Variants in XKR4 observed in about 807,000 individuals in gnomAD.
The protein encoded by XKR4 is XK related 4, also known as XK-related protein 4.
XKR4 carries 12 observed loss-of-function variants against 53.9 expected under a neutral mutation model. The observed-to-expected ratio is 0.22, with a 90% confidence interval of 0.14 to 0.36. XKR4 has a LOEUF of 0.36. Among genes scored for constraint, XKR4 ranks in the 10% least tolerant of loss-of-function variants. The probability of loss-of-function intolerance (pLI) is 1.00; values close to 1 mark genes in which losing one functional copy is unlikely to be tolerated. For missense variants in XKR4, 799 were observed against 859.5 expected (o/e 0.93, Z 0.88); for synonymous variants, 354 against 362.4 (o/e 0.98, Z 0.26).
At chr8:55,455,070 G>A in intron 2 of XKR4, 1 of 710,310 alleles carries the variant, frequency 1.4e-6, no homozygotes, top group Non-Finnish European at 2.6e-6. Flanking sequence ...ATCTGGCCCT[G>A]GCCTTTCCCA....
At chr8:55,156,357 C>T (rs1002621263) in intron 1 of XKR4, among the ~76,000 whole-genome samples, 1 of 148,170 alleles carries the variant, frequency 6.7e-6, no homozygotes, top group Non-Finnish European at 1.5e-5. Context: ...TAAGGACTTG[C>T]AGTCAACAGT....
At chr8:55,335,226 T>C (rs529528918) in intron 1 of XKR4, among the ~76,000 whole-genome samples, 1 of 152,216 alleles carries the variant, frequency 6.6e-6, no homozygotes, top group South Asian at 2.1e-4. Context: ...GAAGCAGAAA[T>C]CTAAATTCAC....
At chr8:55,226,121 A>T (rs567978348) in intron 1 of XKR4, among the ~76,000 whole-genome samples, 1 of 152,228 alleles carries the variant, frequency 6.6e-6, no homozygotes, top group Admixed American at 6.5e-5. Flanking sequence ...AAATGTGACC[A>T]AGAACCTCAA....
At chr8:55,406,598 A>T (rs1212457612) in intron 2 of XKR4, among the ~76,000 whole-genome samples, 1 of 152,212 alleles carries the variant, frequency 6.6e-6, no homozygotes, top group Non-Finnish European at 1.5e-5. Context: ...AGATGTCAGC[A>T]TGTGTGTCAA....
intron 1 of XKR4, among the ~76,000 whole-genome samples, chr8:55,216,602 C>CT (rs2129364586): frequency 6.6e-6 from 1 of 151,980 alleles, no homozygotes; most frequent in South Asian, 2.1e-4. Context: ...TGGCACATGC[C>CT]TGTAATCCCA....
chr8:55,299,311 G>A (rs915158783), intron 1 of XKR4, among the ~76,000 whole-genome samples: 2 of 152,128 alleles, frequency 1.3e-5, no homozygotes, highest in African/African-American at 2.4e-5. Context: ...GAACAAGAGG[G>A]AGCTTGTCAC....
chr8:55,192,963 G>C (rs530299348), intron 1 of XKR4, among the ~76,000 whole-genome samples: 1 of 152,216 alleles, frequency 6.6e-6, no homozygotes, highest in East Asian at 1.9e-4. Flanking sequence ...TGTCATGGCT[G>C]TCCCCACCCC....
intron 1 of XKR4, among the ~76,000 whole-genome samples, chr8:55,243,276 TCC>T (rs1449362787): frequency 6.6e-6 from 1 of 152,242 alleles, no homozygotes; most frequent in Non-Finnish European, 1.5e-5. Context: ...ATGCCATGTA[TCC>T]ACCATTGTAG....
At chr8:55,374,687 C>T (rs1229080082) in intron 2 of XKR4, among the ~76,000 whole-genome samples, 1 of 152,040 alleles carries the variant, frequency 6.6e-6, no homozygotes, top group Non-Finnish European at 1.5e-5. Context: ...CCTTGAGGGA[C>T]CTGTGGAGAT....
intron 2 of XKR4, among the ~76,000 whole-genome samples, chr8:55,477,605 T>C (rs573648301): frequency 1.3e-5 from 2 of 152,062 alleles, no homozygotes; most frequent in Admixed American, 1.3e-4. Flanking sequence ...ATCAAACTAC[T>C]CCGAGCTACA....
chr8:55,353,312 C>A (rs1036072247), intron 1 of XKR4, among the ~76,000 whole-genome samples: 11 of 152,134 alleles, frequency 7.2e-5, no homozygotes, highest in Admixed American at 2.6e-4. Context: ...ATCAGTATGA[C>A]TGTGTAGTTA....
At chr8:55,142,136 C>T (rs11785942) in intron 1 of XKR4, 129,068 of 455,916 alleles carry the variant, frequency 0.28, 19,501 homozygotes, top group East Asian at 0.38. Flanking sequence ...CATTCTTTCC[C>T]CCACAGGGAG....
At chr8:55,141,645 TTCTC>T (rs138063196) in intron 1 of XKR4, among the ~76,000 whole-genome samples, 41 of 111,996 alleles carry the variant, frequency 3.7e-4, no homozygotes, top group Non-Finnish European at 4.9e-4. Context: ...GTGCTTCTGC[TTCTC>T]TCTCTCTCTC....
rs1803179786 is a variant in XKR4, at chr8:55,319,729, GCTATTTTCAT to G, written c.807-37946_807-37937del. Among the ~76,000 whole-genome samples the G allele has an allele frequency of 2.0e-5, 3 of 152,274 alleles. No homozygotes were observed. In the South Asian group the frequency reaches 6.2e-4, roughly 32 times the overall value. On this transcript the variant is annotated intron_variant, in intron 1 of 2. Coordinates refer to ENST00000327381, the MANE Select transcript of XKR4 (RefSeq NM_052898.2). The stretch of plus-strand genomic sequence containing the variant: ...TATGAAGGACCTACATTAGGCAAAA[GCTATTTTCAT>G]CTCCTTTAGTCTTTACAATTCTAGG...
intron 1 of XKR4, among the ~76,000 whole-genome samples, chr8:55,170,064 G>T (rs1817136449): frequency 6.6e-6 from 1 of 152,038 alleles, no homozygotes; most frequent in Admixed American, 6.5e-5. Flanking sequence ...CTTCAAATTT[G>T]TATTCATATT....
chr8:55,329,547 T>C (rs1217455340), intron 1 of XKR4, among the ~76,000 whole-genome samples: 2 of 152,160 alleles, frequency 1.3e-5, no homozygotes, highest in Non-Finnish European at 2.9e-5. Context: ...ATAAAAGTAA[T>C]ACACTAAATA....
chr8:55,258,094 G>A (rs1252236747), intron 1 of XKR4, among the ~76,000 whole-genome samples: 1 of 152,168 alleles, frequency 6.6e-6, no homozygotes, highest in Non-Finnish European at 1.5e-5. Flanking sequence ...AAAAAACAGG[G>A]TACCTATGAC....
chr8:55,136,048 C>T (rs1249346606), intron 1 of XKR4, among the ~76,000 whole-genome samples: 1 of 152,074 alleles, frequency 6.6e-6, no homozygotes, highest in East Asian at 1.9e-4. Flanking sequence ...TGCACACCAC[C>T]ATACCTGGCT....
chr8:55,501,991 A>T lies in XKR4; in HGVS notation c.1007-21290A>T, dbSNP rs1806445747. 2.0e-5 allele frequency among the ~76,000 whole-genome samples: 3 copies of T among 152,186 alleles called. No homozygotes were observed. In the South Asian group the frequency reaches 6.2e-4, roughly 32 times the overall value. On this transcript the variant is annotated intron_variant, in intron 2 of 2. Coordinates refer to ENST00000327381, the MANE Select transcript of XKR4 (RefSeq NM_052898.2). ...ATATACTCTAAGTCATCTTTAAATTACTTACAATGTACAATACAGCGTAAA... is the reference window on the plus strand; with the variant it reads ...ATATACTCTAAGTCATCTTTAAATTTCTTACAATGTACAATACAGCGTAAA...
Sources: gnomAD v4.1 joint callset for allele counts (sites outside exome capture counted in the v4.1 genomes callset) on GRCh38, gnomAD v4.1.1 for gene constraint, MANE v1.5 for transcripts, NCBI Gene and HGNC (gene_info 2026-07-23, HGNC 2026-07-21) for gene names.